Variants in ADAM20 observed in about 807,000 individuals in gnomAD.
ADAM20 encodes ADAM metallopeptidase domain 20.
For synonymous variants in ADAM20, 305 were observed against 310.2 expected (o/e 0.98, Z 0.18); for missense variants, 871 against 883.2 (o/e 0.99, Z 0.18).
chr14:70,557,999 G>C, the ADAM20 span, among the ~76,000 whole-genome samples: 174 of 152,210 alleles, frequency 1.1e-3, no homozygotes, highest in African/African-American at 4.1e-3. Context: ...ATTTAAGGTA[G>C]GATTGCACTC....
At chr14:70,578,828 C>A in the ADAM20 span, among the ~76,000 whole-genome samples, 1 of 152,006 alleles carries the variant, frequency 6.6e-6, no homozygotes, top group Non-Finnish European at 1.5e-5. Flanking sequence ...AGTTTTTCAA[C>A]GCTTGCCCCC....
chr14:70,534,229 T>TA (rs959739767), intron 1 of ADAM20, among the ~76,000 whole-genome samples: 5 of 151,620 alleles, frequency 3.3e-5, no homozygotes, highest in Admixed American at 1.3e-4. Context: ...TTCTCATGCT[T>TA]AAAAAAAATG....
Position 70,523,571 on chromosome 14 carries a change from T to TA in ADAM20, c.1186_1187insT (p.Gln396LeufsTer11). The TA allele has an allele frequency of 6.2e-7, 1 of 1,614,104 alleles. No homozygotes were observed. Among genetic ancestry groups the TA allele is most frequent in the Non-Finnish European group, 8.5e-7 (1 of 1,179,982 alleles). On this transcript the variant is annotated frameshift_variant, in exon 2 of 2. Coordinates refer to ENST00000256389, the MANE Select transcript of ADAM20 (RefSeq NM_003814.5). LOFTEE classifies it low-confidence loss of function (END_TRUNC). ...TATATTCCCTGGATATGGAGGCGGT[T>TA]GAATACATAATCCACTACTGATAGT...
the ADAM20 span, among the ~76,000 whole-genome samples, chr14:70,571,235 C>G: frequency 2.0e-5 from 3 of 152,160 alleles, no homozygotes; most frequent in Non-Finnish European, 4.4e-5. Context: ...TGTCCCCACC[C>G]AACTCTCAAC....
At chr14:70,561,816 A>C in the ADAM20 span, among the ~76,000 whole-genome samples, 1 of 152,266 alleles carries the variant, frequency 6.6e-6, no homozygotes, top group Non-Finnish European at 1.5e-5. Flanking sequence ...GCAAGAGTTG[A>C]GGTTTGAAAA....
the ADAM20 span, among the ~76,000 whole-genome samples, chr14:70,568,628 C>G: frequency 6.6e-6 from 1 of 151,902 alleles, no homozygotes; most frequent in East Asian, 1.9e-4. Context: ...TACAAAGACA[C>G]TAGAAAAATA....
the ADAM20 span, among the ~76,000 whole-genome samples, chr14:70,543,155 T>C: frequency 6.6e-6 from 1 of 152,252 alleles, no homozygotes. Flanking sequence ...TATTTTCTAC[T>C]GTTTAAATTA....
chr14:70,575,778 T>C, the ADAM20 span, among the ~76,000 whole-genome samples: 2 of 152,144 alleles, frequency 1.3e-5, no homozygotes, highest in African/African-American at 4.8e-5. Flanking sequence ...ATAAGGAAGG[T>C]ATTACCAGAC....
At chr14:70,559,600 G>C in the ADAM20 span, among the ~76,000 whole-genome samples, 1 of 152,170 alleles carries the variant, frequency 6.6e-6, no homozygotes, top group Non-Finnish European at 1.5e-5. Flanking sequence ...CATAGTAAAA[G>C]TCTGTACAAT....
chr14:70,543,803 G>T, the ADAM20 span, among the ~76,000 whole-genome samples: 1 of 152,158 alleles, frequency 6.6e-6, no homozygotes, highest in Non-Finnish European at 1.5e-5. Context: ...TCCACAGGAA[G>T]TAGCCAGAAA....
At chr14:70,526,721 C>T (rs866892618) in intron 1 of ADAM20, among the ~76,000 whole-genome samples, 14 of 152,168 alleles carry the variant, frequency 9.2e-5, no homozygotes, top group African/African-American at 3.1e-4. Flanking sequence ...ATTTTGTGAA[C>T]GGGTGTATTC....
the ADAM20 span, among the ~76,000 whole-genome samples, chr14:70,542,547 C>T: frequency 1.3e-5 from 2 of 152,288 alleles, no homozygotes; most frequent in South Asian, 2.1e-4. Context: ...ATTCACCCAA[C>T]TCATAGGTAT....
In ADAM20 at chr14:70,524,605, C is replaced by A. The variant is rs1356700811; in HGVS notation, c.153G>T (p.Arg51Ser). The change falls in exon 2 of 2, where the codon AGG becomes AGT. Residue 51 changes from arginine to serine, a missense_variant. By Grantham distance (110) the Arg-to-Ser change is moderately radical. Transcript: ENST00000256389. Reference protein sequence around the residue: ...EVVIPLKVISRGRGAKAPGWL... With the variant: ...EVVIPLKVISSGRGAKAPGWL... ...ATCCAGGAGCCTTTGCACCTCTGCC[C>A]CTGCTGATCACCTTCAAAGGGATCA... is the stretch of plus-strand genomic sequence containing the variant. The A allele has an allele frequency of 6.2e-7, 1 of 1,613,874 alleles. No homozygotes were observed. Among genetic ancestry groups the A allele is most frequent in the African/African-American group, 1.3e-5 (1 of 74,902 alleles).
chr14:70,567,155 T>C, the ADAM20 span, among the ~76,000 whole-genome samples: 1 of 152,162 alleles, frequency 6.6e-6, no homozygotes, highest in Admixed American at 6.5e-5. Flanking sequence ...GGAATTCATG[T>C]ACTCCCCTGA....
the ADAM20 span, among the ~76,000 whole-genome samples, chr14:70,553,539 A>G: frequency 6.7e-6 from 1 of 149,136 alleles, no homozygotes; most frequent in East Asian, 1.9e-4. Context: ...AAAAAAAAAA[A>G]AAAAAAAAAC....
chr14:70,563,968 C>G, the ADAM20 span, among the ~76,000 whole-genome samples: 8 of 152,220 alleles, frequency 5.3e-5, no homozygotes, highest in African/African-American at 1.9e-4. Flanking sequence ...AGTCCCTCCC[C>G]CAAACTGGCT....
At chr14:70,534,091 A>C (rs1420585824) in intron 1 of ADAM20, among the ~76,000 whole-genome samples, 1 of 147,750 alleles carries the variant, frequency 6.8e-6, no homozygotes, top group Non-Finnish European at 1.5e-5. Flanking sequence ...TCAAAAAAAA[A>C]AAAAAAAAAA....
the ADAM20 span, among the ~76,000 whole-genome samples, chr14:70,575,140 A>G: frequency 2.1e-4 from 31 of 151,078 alleles, no homozygotes; most frequent in Non-Finnish European, 4.3e-4. Flanking sequence ...CCTACAGTTA[A>G]CAATATTGTA....
At chr14:70,562,699 C>A in the ADAM20 span, among the ~76,000 whole-genome samples, 1 of 151,998 alleles carries the variant, frequency 6.6e-6, no homozygotes, top group Non-Finnish European at 1.5e-5. Context: ...CCTTTTTTCT[C>A]TCTCTCCTGC....
Sources: allele counts gnomAD v4.1 joint callset (sites outside exome capture counted in the v4.1 genomes callset), GRCh38; gene constraint gnomAD v4.1.1; transcripts MANE v1.5; gene names NCBI Gene and HGNC (gene_info 2026-07-23, HGNC 2026-07-21).